GLRA1: variants seen among roughly 807,000 people sequenced by gnomAD.
The protein encoded by GLRA1 is glycine receptor subunit alpha-1.
A neutral mutation model predicts 48.3 loss-of-function variants in GLRA1; 37 were observed. The observed-to-expected ratio is 0.77, with a 90% CI of 0.59 to 1.01. The LOEUF (loss-of-function observed/expected upper bound fraction) is 1.01, where lower values mean the gene tolerates loss of function less well. Among genes scored for constraint, GLRA1 ranks in the 50% least tolerant of loss-of-function variants. The probability of loss-of-function intolerance (pLI) is 0.00; values close to 1 mark genes in which losing one functional copy is unlikely to be tolerated. For missense variants in GLRA1, 427 were observed against 571.0 expected, an observed-to-expected ratio of 0.75 and a Z score of 2.57; for synonymous variants, 196 against 210.7, an observed-to-expected ratio of 0.93 and a Z score of 0.60.
intron 3 of GLRA1, among the ~76,000 whole-genome samples, chr5:151,863,938 G>A (rs558155448): frequency 3.8e-4 from 58 of 152,230 alleles, no homozygotes; most frequent in African/African-American, 1.3e-3. Context: ...TCTCCCTCCA[G>A]CCCCATAGAA....
chr5:151,854,488 C>T (rs144666064), intron 6 of GLRA1, among the ~76,000 whole-genome samples: 14 of 152,320 alleles, frequency 9.2e-5, no homozygotes, highest in East Asian at 1.9e-4. Flanking sequence ...AGACAGGATA[C>T]GCAAAGCCAG....
intron 6 of GLRA1, among the ~76,000 whole-genome samples, chr5:151,853,064 A>G (rs1300247998): frequency 6.6e-6 from 1 of 152,196 alleles, no homozygotes; most frequent in Admixed American, 6.5e-5. Context: ...AGCCAAAAGT[A>G]GCATGGTGGT....
intron 7 of GLRA1, among the ~76,000 whole-genome samples, chr5:151,838,681 T>C (rs989555795): frequency 1.3e-5 from 2 of 152,130 alleles, no homozygotes; most frequent in Admixed American, 6.6e-5. Flanking sequence ...TGGGAAACCA[T>C]GTAATGCACC....
At chr5:151,830,680 GCTGA>G (rs1763400280) in intron 7 of GLRA1, among the ~76,000 whole-genome samples, 1 of 152,186 alleles carries the variant, frequency 6.6e-6, no homozygotes, top group Admixed American at 6.5e-5. Flanking sequence ...CTGATTTTTA[GCTGA>G]CTACCAACCT....
At chr5:151,836,144 C>T (rs920579946) in intron 7 of GLRA1, among the ~76,000 whole-genome samples, 2 of 152,186 alleles carry the variant, frequency 1.3e-5, no homozygotes, top group East Asian at 1.9e-4. Flanking sequence ...GCAAAAATCA[C>T]AAGTATTCCT....
chr5:151,838,378 A>G (rs1482320183), intron 7 of GLRA1, among the ~76,000 whole-genome samples: 2 of 152,208 alleles, frequency 1.3e-5, no homozygotes, highest in Non-Finnish European at 2.9e-5. Flanking sequence ...CTAAGATTGG[A>G]GAATTGCTTG....
intron 7 of GLRA1, among the ~76,000 whole-genome samples, chr5:151,833,074 G>C (rs4629583): frequency 1.3e-5 from 2 of 151,974 alleles, no homozygotes; most frequent in East Asian, 3.9e-4. Flanking sequence ...AGGAGAAACA[G>C]AATCCTTTAC....
At chr5:151,850,109 C>G (rs1388612097) in intron 7 of GLRA1, 1 of 1,604,032 alleles carries the variant, frequency 6.2e-7, no homozygotes, top group South Asian at 1.1e-5. Flanking sequence ...CAGATGGGTA[C>G]CACTTTGGTT....
At chr5:151,826,050 T>C (rs1457768350) in intron 8 of GLRA1, among the ~76,000 whole-genome samples, 1 of 152,236 alleles carries the variant, frequency 6.6e-6, no homozygotes, top group Non-Finnish European at 1.5e-5. Context: ...ATTACGTTAA[T>C]TCAAATGCAT....
In GLRA1 at chr5:151,852,870, G is replaced by T. The variant is rs923572949; in HGVS notation, c.698-1266C>A. ...GCTGGACCATGATATATTTCTCAAT[G>T]GATGAATAGATAAAGAAAATGAAAC... On this transcript the variant is annotated intron_variant, in intron 6 of 8. Coordinates refer to ENST00000274576, the MANE Select transcript of GLRA1 (RefSeq NM_000171.4). Among the ~76,000 whole-genome samples the T allele has an allele frequency of 7.0e-4, 106 of 152,110 alleles. 7 individuals are homozygous for T. Among genetic ancestry groups the T allele is most frequent in the Non-Finnish European group, 2.9e-4 (20 of 68,018 alleles).
chr5:151,895,084 G>A (rs2113422973), intron 1 of GLRA1, among the ~76,000 whole-genome samples: 1 of 152,316 alleles, frequency 6.6e-6, no homozygotes, highest in East Asian at 1.9e-4. Context: ...GTATACAGAT[G>A]GATGGATGTG....
At chr5:151,858,141 A>G (rs1753097037) in intron 4 of GLRA1, among the ~76,000 whole-genome samples, 1 of 152,202 alleles carries the variant, frequency 6.6e-6, no homozygotes, top group Non-Finnish European at 1.5e-5. Flanking sequence ...GTGATGAGGT[A>G]CACAGCCCTT....
At chr5:151,895,609 C>T (rs1195882272) in intron 1 of GLRA1, among the ~76,000 whole-genome samples, 3 of 146,354 alleles carry the variant, frequency 2.0e-5, no homozygotes, top group African/African-American at 5.1e-5. Flanking sequence ...TCTCTTGCAG[C>T]ATGGTGTGTG....
chr5:151,862,090 C>T (rs187448282), intron 3 of GLRA1, among the ~76,000 whole-genome samples: 1 of 152,248 alleles, frequency 6.6e-6, no homozygotes, highest in Admixed American at 6.5e-5. Context: ...GAGATATAGA[C>T]CAATGGAACA....
At position 151,836,224 on chromosome 5, in the gene GLRA1, G is replaced by A. The variant is rs942514319; in HGVS notation, c.913-7157C>T. On this transcript the variant is annotated intron_variant, in intron 7 of 8. Coordinates refer to ENST00000274576, the MANE Select transcript of GLRA1 (RefSeq NM_000171.4). ...ATTCACAACTGCTGCAAAGAGAATA[G>A]AATACCTAGGAATACAGCTTACAAG... Among the ~76,000 whole-genome samples the A allele has an allele frequency of 9.9e-5, 15 of 152,182 alleles. No homozygotes were observed. The East Asian group carries it at 2.9e-3, about 29-fold the overall frequency.
rs1753710444 is a variant in GLRA1, at chr5:151,879,525, AT to A, written c.252+7195del. Among the ~76,000 whole-genome samples the A allele has an allele frequency of 2.0e-5, 3 of 152,040 alleles. No homozygotes were observed. In the South Asian group the frequency reaches 6.2e-4, roughly 32 times the overall value. On this transcript the variant is annotated intron_variant, in intron 3 of 8. Transcript: ENST00000274576. Reference sequence around the variant, plus strand: ...TGCACTAAGTCTGGATAATTTTTGTATTTTTAGTAGAGATGAGGTTTCACCA... The same window carrying A: ...TGCACTAAGTCTGGATAATTTTTGTATTTTAGTAGAGATGAGGTTTCACCA...
intron 3 of GLRA1, among the ~76,000 whole-genome samples, chr5:151,873,282 G>T (rs1753533301): frequency 6.7e-6 from 1 of 149,254 alleles, no homozygotes; most frequent in African/African-American, 2.6e-5. Flanking sequence ...TGAGAGAGAG[G>T]TCAAGAGAAT....
At chr5:151,866,705 C>T (rs1753345645) in intron 3 of GLRA1, among the ~76,000 whole-genome samples, 1 of 152,062 alleles carries the variant, frequency 6.6e-6, no homozygotes, top group Admixed American at 6.6e-5. Flanking sequence ...GGTGGAGGCA[C>T]AGGGTCTTCA....
chr5:151,852,314 TCTC>T (rs1752932838), intron 6 of GLRA1, among the ~76,000 whole-genome samples: 1 of 152,112 alleles, frequency 6.6e-6, no homozygotes, highest in Non-Finnish European at 1.5e-5. Context: ...AAATCTTCCT[TCTC>T]CTCCATGGCA....
Sources: allele counts gnomAD v4.1 joint callset (sites outside exome capture counted in the v4.1 genomes callset), GRCh38; gene constraint gnomAD v4.1.1; transcripts MANE v1.5; gene names NCBI Gene and HGNC (gene_info 2026-07-23, HGNC 2026-07-21).